Variants in KIF6 observed in about 807,000 individuals in gnomAD.
The protein encoded by KIF6 is kinesin-like protein KIF6.
A neutral mutation model predicts 112.7 loss-of-function variants in KIF6; 106 were observed. The ratio of observed to expected loss-of-function variants is 0.94; its 90% confidence interval spans 0.80 to 1.11. The LOEUF (loss-of-function observed/expected upper bound fraction) is 1.11. KIF6 is among the 50% of genes least tolerant of loss of function. The pLI is 0.00. For synonymous variants in KIF6, 339 were observed against 339.9 expected (o/e 1.00, Z 0.03); for missense variants, 929 against 964.0 (o/e 0.96, Z 0.48).
At chr6:39,664,031 T>A (rs1403759463) in intron 3 of KIF6, among the ~76,000 whole-genome samples, 2 of 152,072 alleles carry the variant, frequency 1.3e-5, no homozygotes, top group Admixed American at 1.3e-4. Context: ...TACATTTTAG[T>A]AGAACTAATT....
chr6:39,540,830 A>C (rs905963632), intron 12 of KIF6, among the ~76,000 whole-genome samples: 10 of 152,354 alleles, frequency 6.6e-5, no homozygotes, highest in East Asian at 1.9e-4. Context: ...AAAAGAAGCG[A>C]ATTGTTAGCA....
chr6:39,514,465 T>G (rs1776952462), intron 13 of KIF6, among the ~76,000 whole-genome samples: 1 of 152,226 alleles, frequency 6.6e-6, no homozygotes, highest in South Asian at 2.1e-4. Context: ...ACCTCTTTAA[T>G]GTAGGGCACA....
intron 16 of KIF6, among the ~76,000 whole-genome samples, chr6:39,375,202 G>T (rs1270110552): frequency 6.6e-6 from 1 of 152,166 alleles, no homozygotes; most frequent in African/African-American, 2.4e-5. Flanking sequence ...GGTTACCAGG[G>T]GTGGGAGGTC....
rs753292839 is a variant in KIF6, at chr6:39,584,964, T to C, written c.1011A>G (p.Arg337=). ...TTATGAGTGCCACTCGCTGTGCAAA[T>C]CTGCAGGTTGATATAGACTCCTAAG... ...RNLDESISTC[R]FAQRVALIKN... is the part of the protein sequence containing the mutation. Residue 337 remains arginine, a synonymous_variant, in exon 9 of 23, where the codon AGA becomes AGG. Transcript: ENST00000287152. The C allele has an allele frequency of 1.2e-6, 2 of 1,610,428 alleles. No homozygotes were observed. Among genetic ancestry groups the C allele is most frequent in the Non-Finnish European group, 1.7e-6 (2 of 1,176,940 alleles).
At chr6:39,396,655 C>G (rs1428056897) in intron 15 of KIF6, among the ~76,000 whole-genome samples, 1 of 152,172 alleles carries the variant, frequency 6.6e-6, no homozygotes, top group Non-Finnish European at 1.5e-5. Flanking sequence ...CCCTTTGAGC[C>G]TCAATTTCTT....
At chr6:39,648,997 CAA>C (rs11457388) in intron 3 of KIF6, among the ~76,000 whole-genome samples, 53 of 126,246 alleles carry the variant, frequency 4.2e-4, no homozygotes, top group African/African-American at 1.3e-3. Context: ...CTGTCTCTGC[CAA>C]AAAAAAAAAA....
chr6:39,608,659 G>A (rs570283407), intron 6 of KIF6, among the ~76,000 whole-genome samples: 22 of 152,284 alleles, frequency 1.4e-4, no homozygotes, highest in African/African-American at 3.1e-4. Context: ...TTTGTTGATA[G>A]GCTAATTATT....
chr6:39,711,190 C>T (rs537819684), intron 3 of KIF6, among the ~76,000 whole-genome samples: 2 of 97,202 alleles, frequency 2.1e-5, no homozygotes, highest in African/African-American at 8.0e-5. Flanking sequence ...GATAAGAATA[C>T]ATGAAAAAAA....
chr6:39,700,017 A>G lies in KIF6; in HGVS notation c.251+14675T>C, dbSNP rs138372393. On this transcript the variant is annotated intron_variant, in intron 3 of 22. Transcript: ENST00000287152. ...TTCATTTTTATTTTTTAGCTTTTTA[A>G]TTTTTGTGGGTCCATAGTAGGTGTA... 1.3e-3 allele frequency among the ~76,000 whole-genome samples: 191 copies of G among 152,122 alleles called. 1 individual carries two copies. The highest frequency in any genetic ancestry group is 6.8e-3 in the Middle Eastern group (2 of 294).
intron 15 of KIF6, among the ~76,000 whole-genome samples, chr6:39,392,455 A>G (rs1767967340): frequency 6.6e-6 from 1 of 152,242 alleles, no homozygotes; most frequent in African/African-American, 2.4e-5. Context: ...GTGCTAGTCT[A>G]TCTGCCCAAG....
intron 3 of KIF6, among the ~76,000 whole-genome samples, chr6:39,649,034 G>T (rs907400626): frequency 6.6e-6 from 1 of 151,624 alleles, no homozygotes; most frequent in Non-Finnish European, 1.5e-5. Context: ...TGTGTGGTGT[G>T]CTCCTGGAGT....
chr6:39,483,848 A>C (rs1276008918), intron 13 of KIF6, among the ~76,000 whole-genome samples: 1 of 152,216 alleles, frequency 6.6e-6, no homozygotes, highest in Non-Finnish European at 1.5e-5. Flanking sequence ...AGGTATCTAA[A>C]AGTGACATTT....
At chr6:39,490,492 T>C (rs1204287359) in intron 13 of KIF6, among the ~76,000 whole-genome samples, 1 of 152,202 alleles carries the variant, frequency 6.6e-6, no homozygotes, top group Non-Finnish European at 1.5e-5. Flanking sequence ...TCTTTGTGAA[T>C]GCAGCAAATG....
At chr6:39,563,336 T>G (rs1294751636) in intron 10 of KIF6, among the ~76,000 whole-genome samples, 1 of 152,198 alleles carries the variant, frequency 6.6e-6, no homozygotes, top group East Asian at 1.9e-4. Context: ...CAGACTTGTT[T>G]GTAAACACAT....
chr6:39,489,677 A>G (rs1775346669), intron 13 of KIF6, among the ~76,000 whole-genome samples: 2 of 152,172 alleles, frequency 1.3e-5, no homozygotes, highest in Admixed American at 1.3e-4. Context: ...GCAAGAAAAC[A>G]GCTGCTAAGG....
At chr6:39,597,882 T>C (rs181171717) in intron 6 of KIF6, among the ~76,000 whole-genome samples, 1 of 152,134 alleles carries the variant, frequency 6.6e-6, no homozygotes, top group East Asian at 1.9e-4. Flanking sequence ...AATAAAGGAC[T>C]CGGCCGGGTG....
At chr6:39,476,196 C>T (rs977495810) in intron 13 of KIF6, among the ~76,000 whole-genome samples, 5 of 149,714 alleles carry the variant, frequency 3.3e-5, no homozygotes, top group Non-Finnish European at 5.9e-5. Flanking sequence ...TATCCCAGAA[C>T]TTAAAATTAA....
chr6:39,454,578 CG>C (rs1402165045), intron 13 of KIF6, among the ~76,000 whole-genome samples: 2 of 148,572 alleles, frequency 1.3e-5, no homozygotes, highest in South Asian at 2.1e-4. Context: ...ACGCAGAAGA[CG>C]GGTGATTTCT....
At chr6:39,362,551 A>G in intron 16 of KIF6, 33 bp from the exon 17 acceptor site, 1 of 1,444,836 alleles carries the variant, frequency 6.9e-7, no homozygotes, top group Non-Finnish European at 9.8e-7. Context: ...GGATGGTGAG[A>G]AAGAAGGGTA....
Sources: allele counts gnomAD v4.1 joint callset (sites outside exome capture counted in the v4.1 genomes callset), GRCh38; gene constraint gnomAD v4.1.1; transcripts MANE v1.5; gene names NCBI Gene and HGNC (gene_info 2026-07-23, HGNC 2026-07-21).